Variants in PCSK1 observed in about 807,000 individuals in gnomAD.
The protein encoded by PCSK1 is neuroendocrine convertase 1.
Under a neutral mutation model 90.6 loss-of-function variants are expected in PCSK1, and 56 were observed. The ratio of observed to expected loss-of-function variants is 0.62; its 90% CI spans 0.50 to 0.77. PCSK1 has a LOEUF of 0.77. PCSK1 is among the 30% of genes least tolerant of loss of function. The pLI, the probability that PCSK1 is intolerant of heterozygous loss-of-function variation, is 0.00. For missense variants in PCSK1, 801 were observed against 932.6 expected, an observed-to-expected ratio of 0.86 and a Z score of 1.84; for synonymous variants, 348 against 342.4, an observed-to-expected ratio of 1.02 and a Z score of -0.18.
Position 96,412,428 on chromosome 5 carries a change from G to T in PCSK1, c.772C>A (p.Pro258Thr), listed in dbSNP as rs560420109. 2.5e-5 allele frequency: 41 copies of T among 1,613,746 alleles called. 2 individuals carry two copies. The South Asian group carries it at 4.4e-4, about 17-fold the overall frequency. Residue 258 changes from proline (P) to threonine (T), a missense_variant, in exon 7 of 14, where the codon CCT becomes ACT. By Grantham distance (38) the Pro-to-Thr change is conservative. Transcript: ENST00000311106. ...GCACTGTAAATATCCACGTGTCCAGGATTGAATCCAATTGAACTGGCCTCA... is the reference window on the plus strand; with the variant it reads ...GCACTGTAAATATCCACGTGTCCAGTATTGAATCCAATTGAACTGGCCTCA... ...AIEASSIGFN[P>T]GHVDIYSASW...
chr5:96,420,736 G>A (rs1003916768), intron 5 of PCSK1, among the ~76,000 whole-genome samples: 2 of 136,718 alleles, frequency 1.5e-5, no homozygotes, highest in South Asian at 2.8e-4. Context: ...GGAGAATAAG[G>A]AAGGGAGGGA....
At position 96,429,335 on chromosome 5, in the gene PCSK1, T is replaced by G. The variant is rs748592986; in HGVS notation, c.181-18A>C. Reference sequence around the variant, plus strand: ...GAACCAATCTATAAAAGGAAAGAAATAAAATAAATATCCACGTTCCCAAAC... The same window carrying G: ...GAACCAATCTATAAAAGGAAAGAAAGAAAATAAATATCCACGTTCCCAAAC... On this transcript the variant is annotated intron_variant, in intron 1 of 13. Transcript: ENST00000311106. The G allele has an allele frequency of 1.1e-5, 15 of 1,318,542 alleles. No homozygotes were observed. In the African/African-American group the frequency reaches 1.9e-4, roughly 16 times the overall value. The allele number at this position is 1,318,542 out of a possible 1,614,324, so 81.7% of individuals were successfully genotyped here. A position where few individuals can be genotyped will look rare whatever the true frequency, so the allele number is the denominator to read the frequency against.
At position 96,390,365 on chromosome 5, in the gene PCSK1, G is replaced by A. The variant is rs1442234605; in HGVS notation, c.*2636C>T. 6.6e-6 allele frequency: 1 copy of A among 152,002 alleles called. No individual in the cohort carries two copies. The highest frequency in any genetic ancestry group is 1.9e-4 in the East Asian group (1 of 5,192). The allele number at this position is 152,002 out of a possible 1,614,324, so 9.4% of individuals were successfully genotyped here. On this transcript the variant is annotated 3_prime_UTR_variant, in exon 14 of 14. Transcript: ENST00000311106. ...TGGAAACATGAGCTTTTTTTCTTTTGACTTAGTGAGAAACAATTTATTTTT... is the reference window on the plus strand; with the variant it reads ...TGGAAACATGAGCTTTTTTTCTTTTAACTTAGTGAGAAACAATTTATTTTT...
intron 10 of PCSK1, among the ~76,000 whole-genome samples, chr5:96,399,453 C>G (rs1010957383): frequency 6.6e-6 from 1 of 152,008 alleles, no homozygotes; most frequent in African/African-American, 2.4e-5. Flanking sequence ...TCTTCTGTGA[C>G]AAGATGTGGT....
rs747809880 is a variant in PCSK1 at position 96,395,030 on chromosome 5, C to T, written c.1723-5G>A. On this transcript the variant is annotated splice_region_variant and splice_polypyrimidine_tract_variant and intron_variant, in intron 12 of 13. Coordinates refer to ENST00000311106, the MANE Select transcript of PCSK1 (RefSeq NM_000439.5). The stretch of plus-strand genomic sequence containing the variant: ...TTCATTTTGAATTCTTCCAGACTAA[C>T]AAATAAGCATACCTACATTTAGTAT... The T allele has an allele frequency of 3.1e-6, 5 of 1,607,016 alleles. No individual in the cohort carries two copies. The highest frequency in any genetic ancestry group is 4.3e-6 in the Non-Finnish European group (5 of 1,173,632).
At chr5:96,397,947 ATTAT>A (rs1393763050) in intron 11 of PCSK1, among the ~76,000 whole-genome samples, 2 of 151,912 alleles carry the variant, frequency 1.3e-5, no homozygotes, top group Non-Finnish European at 2.9e-5. Context: ...AATAATCATA[ATTAT>A]TTAATTAATG....
chr5:96,395,993 A>G (rs1430801023), intron 12 of PCSK1, among the ~76,000 whole-genome samples: 1 of 152,198 alleles, frequency 6.6e-6, no homozygotes, highest in East Asian at 1.9e-4. Context: ...ACTTGACATG[A>G]AATAAATCCC....
Position 96,394,981 on chromosome 5 carries a change from C to T in PCSK1, c.1767G>A (p.Leu589=), listed in dbSNP as rs757648030. The part of the protein sequence containing the change: ...QNEGRIVNWK[L]ILHGTSSQPE... ...GCTGAGAAGAGGTCCCGTGCAAAAT[C>T]AGCTTCCAGTTCACAATTCTTCCTT... The change falls in exon 13 of 14, where the codon CTG becomes CTA. Residue 589 remains leucine, a synonymous_variant. Transcript: ENST00000311106. 1 of 1,614,076 alleles carries T rather than the reference C, an allele frequency of 6.2e-7. No individual in the cohort carries two copies. The highest frequency in any genetic ancestry group is 8.5e-7 in the Non-Finnish European group (1 of 1,179,890).
At chr5:96,414,779 T>G (rs1760887902) in intron 6 of PCSK1, among the ~76,000 whole-genome samples, 1 of 152,236 alleles carries the variant, frequency 6.6e-6, no homozygotes, top group South Asian at 2.1e-4. Context: ...ATTCTTTTAC[T>G]AGCTAATTAC....
At position 96,392,961 on chromosome 5, in the gene PCSK1, A is replaced by AGAAG. The variant is rs1759998282; in HGVS notation, c.*36_*39dup. The AGAAG allele has an allele frequency of 1.4e-5, 23 of 1,607,770 alleles. No homozygotes were observed. The highest frequency in any genetic ancestry group is 2.0e-5 in the Non-Finnish European group (23 of 1,174,486). ...CACAGGCAAAATCGCAGGGTAAGGA[A>AGAAG]GAAGCATGAATATTTCCAACTTGGG... On this transcript the variant is annotated 3_prime_UTR_variant, in exon 14 of 14. Coordinates refer to ENST00000311106, the MANE Select transcript of PCSK1 (RefSeq NM_000439.5).
chr5:96,428,967 T>A (rs991533801), intron 2 of PCSK1, among the ~76,000 whole-genome samples: 1 of 152,162 alleles, frequency 6.6e-6, no homozygotes, highest in Non-Finnish European at 1.5e-5. Context: ...GATATATATG[T>A]AATTATATAA....
chr5:96,424,997 G>GAGAA (rs1350590012), intron 3 of PCSK1, among the ~76,000 whole-genome samples: 1 of 100,186 alleles, frequency 1.0e-5, no homozygotes, highest in African/African-American at 4.6e-5. Context: ...AAGAAAGAAA[G>GAGAA]AGAAAGAAAG....
At chr5:96,403,628 TAAGGGTATGGA>T (rs1760459735) in intron 9 of PCSK1, among the ~76,000 whole-genome samples, 1 of 152,092 alleles carries the variant, frequency 6.6e-6, no homozygotes, top group African/African-American at 2.4e-5. Flanking sequence ...TTACAGAAAA[TAAGGGTATGGA>T]ATTAAACACC....
chr5:96,426,703 A>G (rs1247248583), intron 2 of PCSK1, among the ~76,000 whole-genome samples: 2 of 152,168 alleles, frequency 1.3e-5, no homozygotes, highest in African/African-American at 4.8e-5. Context: ...TCTTGGCAAT[A>G]TGACTATTTC....
At position 96,423,303 on chromosome 5, in the gene PCSK1, A is replaced by G. The variant is rs1462911907; in HGVS notation, c.543+10T>C. The G allele has an allele frequency of 6.2e-7, 1 of 1,603,282 alleles. No homozygotes were observed. The highest frequency in any genetic ancestry group is 1.3e-5 in the African/African-American group (1 of 74,696). On this transcript the variant is annotated intron_variant, in intron 4 of 13. Transcript: ENST00000311106. ...CCCTAAGTCACAGTCATGAGAAGGCACACACTTACATAGTTGGCATAAATG... is the reference window on the plus strand; with the variant it reads ...CCCTAAGTCACAGTCATGAGAAGGCGCACACTTACATAGTTGGCATAAATG...
intron 5 of PCSK1, among the ~76,000 whole-genome samples, chr5:96,416,855 C>G (rs1272053517): frequency 4.6e-5 from 7 of 152,170 alleles, no homozygotes; most frequent in African/African-American, 1.4e-4. Context: ...AATGCGTCTT[C>G]CAAACACCAA....
At chr5:96,428,300 C>G (rs1761383043) in intron 2 of PCSK1, among the ~76,000 whole-genome samples, 1 of 152,256 alleles carries the variant, frequency 6.6e-6, no homozygotes, top group African/African-American at 2.4e-5. Flanking sequence ...TTTTAATCCT[C>G]TCACCAAGAG....
At chr5:96,429,851 C>G (rs992322128) in intron 1 of PCSK1, among the ~76,000 whole-genome samples, 1 of 152,126 alleles carries the variant, frequency 6.6e-6, no homozygotes, top group Non-Finnish European at 1.5e-5. Context: ...CATTAGCTCA[C>G]AGTAGGAGGC....
chr5:96,399,035 C>T lies in PCSK1; in HGVS notation c.1432G>A (p.Ala478Thr). Residue 478 changes from alanine to threonine, a missense_variant and splice_region_variant, in exon 11 of 14, where the codon GCC (alanine) becomes ACC (threonine). Ala to Thr is a moderately conservative substitution (Grantham distance 58). Transcript: ENST00000311106. ...VVKDNDFEPR[A>T]LKANGEVIIE... ...ATAACTTCTCCATTAGCTTTCAGGG[C>T]TCTAAATACATTAAAGAATCAGCAT... is the stretch of plus-strand genomic sequence containing the variant. 6.2e-7 allele frequency: 1 copy of T among 1,605,686 alleles called. No homozygotes were observed. The highest frequency in any genetic ancestry group is 8.5e-7 in the Non-Finnish European group (1 of 1,173,764).
Sources: gnomAD v4.1 joint callset for allele counts (sites outside exome capture counted in the v4.1 genomes callset) on GRCh38, gnomAD v4.1.1 for gene constraint, MANE v1.5 for transcripts, NCBI Gene and HGNC (gene_info 2026-07-23, HGNC 2026-07-21) for gene names.